Variants in PDE1C observed in about 807,000 individuals in gnomAD.
PDE1C encodes dual specificity calcium/calmodulin-dependent 3',5'-cyclic nucleotide phosphodiesterase 1C.
A neutral mutation model predicts 93.1 loss-of-function variants in PDE1C; 62 were observed. The observed-to-expected ratio is 0.67, with a 90% CI of 0.54 to 0.82. The LOEUF (loss-of-function observed/expected upper bound fraction) is 0.82, where lower values mean the gene tolerates loss of function less well. Among genes scored for constraint, PDE1C ranks in the 40% least tolerant of loss-of-function variants. The pLI, the probability that PDE1C is intolerant of heterozygous loss-of-function variation, is 0.00. For missense variants in PDE1C, 742 were observed against 884.6 expected, an observed-to-expected ratio of 0.84 and a Z score of 2.04; for synonymous variants, 325 against 310.1, an observed-to-expected ratio of 1.05 and a Z score of -0.50.
At chr7:32,340,469 G>A (rs905066013) in intron 1 of PDE1C, among the ~76,000 whole-genome samples, 9 of 152,176 alleles carry the variant, frequency 5.9e-5, no homozygotes, top group Non-Finnish European at 1.3e-4. Flanking sequence ...CCATGGGGTA[G>A]ATAAAGGTGG....
At chr7:31,627,653 C>G in the PDE1C span, among the ~76,000 whole-genome samples, 1 of 61,430 alleles carries the variant, frequency 1.6e-5, no homozygotes, top group Non-Finnish European at 2.7e-5. Context: ...GAGCAAGACA[C>G]TGTCTCAAAA....
chr7:32,360,075 C>T (rs373119347), intron 1 of PDE1C, among the ~76,000 whole-genome samples: 103 of 152,232 alleles, frequency 6.8e-4, no homozygotes, highest in African/African-American at 2.4e-3. Flanking sequence ...AATTCCACAC[C>T]GAGCCCAGCA....
chr7:32,200,430 G>T (rs145003718), intron 2 of PDE1C, among the ~76,000 whole-genome samples: 1 of 152,166 alleles, frequency 6.6e-6, no homozygotes, highest in Non-Finnish European at 1.5e-5. Flanking sequence ...TTCCTCAAGA[G>T]CCAGAAAAGC....
the PDE1C span, among the ~76,000 whole-genome samples, chr7:31,628,998 G>C: frequency 6.6e-6 from 1 of 152,054 alleles, no homozygotes; most frequent in Non-Finnish European, 1.5e-5. Context: ...ACTTGAATCA[G>C]TAGAAAAATT....
intron 2 of PDE1C, among the ~76,000 whole-genome samples, chr7:32,035,370 G>C (rs1449347740): frequency 6.6e-6 from 1 of 152,138 alleles, no homozygotes; most frequent in Non-Finnish European, 1.5e-5. Flanking sequence ...CTGTAAGAGA[G>C]AGTGCTCCTG....
intron 1 of PDE1C, among the ~76,000 whole-genome samples, chr7:32,055,097 C>CT (rs1467314489): frequency 9.2e-5 from 14 of 152,228 alleles, no homozygotes; most frequent in African/African-American, 3.1e-4. Flanking sequence ...TACCTGACAT[C>CT]TGCTAGTGTT....
At chr7:32,106,841 C>A (rs1798338052) in intron 3 of PDE1C, among the ~76,000 whole-genome samples, 1 of 151,830 alleles carries the variant, frequency 6.6e-6, no homozygotes, top group South Asian at 2.1e-4. Context: ...GTATAAAAAA[C>A]AGACTCAAAT....
intron 1 of PDE1C, among the ~76,000 whole-genome samples, chr7:32,418,895 A>G (rs543309048): frequency 9.8e-4 from 150 of 152,292 alleles, no homozygotes; most frequent in African/African-American, 3.5e-3. Flanking sequence ...GCTGCAAGCA[A>G]AACCCACTCA....
chr7:31,733,919 G>A, the PDE1C span, among the ~76,000 whole-genome samples: 3 of 152,156 alleles, frequency 2.0e-5, no homozygotes, highest in Non-Finnish European at 2.9e-5. Context: ...CAAGAAGATC[G>A]CTTGAACCTG....
chr7:32,366,593 C>A (rs529218948), intron 1 of PDE1C, among the ~76,000 whole-genome samples: 1 of 151,998 alleles, frequency 6.6e-6, no homozygotes, highest in Non-Finnish European at 1.5e-5. Flanking sequence ...TAGATTGAAC[C>A]CAAACTGGTC....
intron 5 of PDE1C, among the ~76,000 whole-genome samples, chr7:31,876,692 G>C (rs1796637634): frequency 6.6e-6 from 1 of 152,168 alleles, no homozygotes; most frequent in African/African-American, 2.4e-5. Context: ...TGATTTCACT[G>C]ATTAAAATGG....
At chr7:32,123,981 T>C (rs549642276) in intron 3 of PDE1C, among the ~76,000 whole-genome samples, 50 of 152,300 alleles carry the variant, frequency 3.3e-4, no homozygotes, top group African/African-American at 1.1e-3. Context: ...AAAAACTCCT[T>C]AAGCTGATAA....
At chr7:32,154,728 C>T (rs1029450749) in intron 3 of PDE1C, among the ~76,000 whole-genome samples, 3 of 152,216 alleles carry the variant, frequency 2.0e-5, no homozygotes, top group African/African-American at 7.2e-5. Flanking sequence ...CCCTACCACC[C>T]CATACCATAC....
chr7:31,779,304 C>T (rs1477544875), intron 16 of PDE1C, among the ~76,000 whole-genome samples: 2 of 152,200 alleles, frequency 1.3e-5, no homozygotes, highest in African/African-American at 2.4e-5. Context: ...TGAAAAACTG[C>T]AAAGTGCTCA....
At chr7:32,355,653 T>C (rs898244910) in intron 1 of PDE1C, among the ~76,000 whole-genome samples, 1 of 152,236 alleles carries the variant, frequency 6.6e-6, no homozygotes, top group Non-Finnish European at 1.5e-5. Flanking sequence ...TTTGTTCCTA[T>C]TTCTAAGATA....
At chr7:31,675,421 A>C in the PDE1C span, among the ~76,000 whole-genome samples, 1 of 152,132 alleles carries the variant, frequency 6.6e-6, no homozygotes, top group Admixed American at 6.5e-5. Context: ...CCATCCAAGC[A>C]TTAGTGTTGG....
chr7:32,130,008 C>T (rs1272014001), intron 3 of PDE1C, among the ~76,000 whole-genome samples: 1 of 152,072 alleles, frequency 6.6e-6, no homozygotes, highest in African/African-American at 2.4e-5. Flanking sequence ...CAATGTACCT[C>T]CCACAATAAT....
chr7:32,405,377 A>G (rs215740), intron 1 of PDE1C, among the ~76,000 whole-genome samples: 128,662 of 151,362 alleles, frequency 0.85, 56,949 homozygotes, highest in East Asian at 0.99. Context: ...TCAGCCTCCC[A>G]AGTAGCTGGG....
chr7:32,201,015 TA>T (rs1276785732), intron 2 of PDE1C, among the ~76,000 whole-genome samples: 1 of 152,246 alleles, frequency 6.6e-6, no homozygotes, highest in Non-Finnish European at 1.5e-5. Context: ...AAACATGTGT[TA>T]CTAGATTCCA....
Sources: gnomAD v4.1 joint callset for allele counts (sites outside exome capture counted in the v4.1 genomes callset) on GRCh38, gnomAD v4.1.1 for gene constraint, MANE v1.5 for transcripts, NCBI Gene and HGNC (gene_info 2026-07-23, HGNC 2026-07-21) for gene names.